The following DENND6A variants were observed in gnomAD, a reference collection of about 807,000 sequenced individuals.
The protein encoded by DENND6A is DENN domain containing 6A.
Under a neutral mutation model 95.5 loss-of-function variants are expected in DENND6A, and 43 were observed. That is an observed-to-expected ratio of 0.45 (90% CI 0.35 to 0.58). The LOEUF (loss-of-function observed/expected upper bound fraction) is 0.58, where lower values mean the gene tolerates loss of function less well. Ranked by LOEUF, DENND6A falls within the 20% of genes least tolerant of loss-of-function variation. The pLI, the probability that DENND6A is intolerant of heterozygous loss-of-function variation, is 0.00. For synonymous variants in DENND6A, 257 were observed against 260.4 expected (o/e 0.99, Z 0.13); for missense variants, 574 against 736.0 (o/e 0.78, Z 2.55).
At chr3:57,683,224 T>C (rs1264482639) in intron 1 of DENND6A, among the ~76,000 whole-genome samples, 1 of 152,174 alleles carries the variant, frequency 6.6e-6, no homozygotes, top group Non-Finnish European at 1.5e-5. Context: ...AAATGAGTAA[T>C]ACAGATAGAA....
At position 57,657,675 on chromosome 3, in the gene DENND6A, T is replaced by C. The variant is rs756603293; in HGVS notation, c.818+5A>G. Reference sequence around the variant, plus strand: ...AGTCAGTTAATAAAATTTTTTATTCTTTACCTGAAAATATCCACCTCATGA... The same window carrying C: ...AGTCAGTTAATAAAATTTTTTATTCCTTACCTGAAAATATCCACCTCATGA... On this transcript the variant is annotated splice_donor_5th_base_variant and intron_variant, in intron 9 of 19. Coordinates refer to ENST00000311128, the MANE Select transcript of DENND6A (RefSeq NM_152678.3). The C allele has an allele frequency of 6.4e-7, 1 of 1,555,226 alleles. No homozygotes were observed. The highest frequency in any genetic ancestry group is 1.4e-5 in the African/African-American group (1 of 73,302).
chr3:57,639,347 G>C (rs1197939435), intron 12 of DENND6A, among the ~76,000 whole-genome samples: 1 of 152,160 alleles, frequency 6.6e-6, no homozygotes, highest in Non-Finnish European at 1.5e-5. Context: ...TTGGCAAACA[G>C]TTTGGTGATT....
rs141033798 is a variant in DENND6A, at chr3:57,674,251, T to C, written c.238-1813A>G. On this transcript the variant is annotated intron_variant, in intron 1 of 19. Transcript: ENST00000311128. ...AGCTGGGCGTGGTGGCGTGTGCCTGTAGTCCCAGCTGCTGGGGAAGCTGAG... is the reference window on the plus strand; with the variant it reads ...AGCTGGGCGTGGTGGCGTGTGCCTGCAGTCCCAGCTGCTGGGGAAGCTGAG... Among the ~76,000 whole-genome samples, 156 of 152,102 alleles carry C rather than the reference T, an allele frequency of 1.0e-3. 1 individual carries two copies. Among genetic ancestry groups the C allele is most frequent in the African/African-American group, 3.6e-3 (149 of 41,506 alleles).
chr3:57,688,500 A>C (rs76379030), intron 1 of DENND6A, among the ~76,000 whole-genome samples: 1 of 152,032 alleles, frequency 6.6e-6, no homozygotes, highest in Non-Finnish European at 1.5e-5. Flanking sequence ...CACCTGTCCC[A>C]TGCTGAGCCA....
At chr3:57,650,524 C>T (rs1347803443) in intron 9 of DENND6A, among the ~76,000 whole-genome samples, 3 of 152,162 alleles carry the variant, frequency 2.0e-5, no homozygotes, top group Non-Finnish European at 2.9e-5. Flanking sequence ...TCAATAAGCA[C>T]ACCAAGTGCC....
chr3:57,650,305 T>TA (rs963819918), intron 9 of DENND6A, among the ~76,000 whole-genome samples: 95 of 139,106 alleles, frequency 6.8e-4, no homozygotes, highest in Middle Eastern at 3.7e-3. Flanking sequence ...ACAAAAAACC[T>TA]AAAAAAAAAA....
chr3:57,654,554 C>A, intron 9 of DENND6A: 1 of 878,170 alleles, frequency 1.1e-6, no homozygotes, highest in Non-Finnish European at 1.4e-6. Flanking sequence ...GTACTAGGAA[C>A]AAATAGCAAA....
In DENND6A at chr3:57,663,628, A is replaced by T; in HGVS notation, c.513+8T>A. 6.3e-7 allele frequency: 1 copy of T among 1,580,710 alleles called. No individual in the cohort carries two copies. On this transcript the variant is annotated splice_region_variant and intron_variant, in intron 5 of 19. Coordinates refer to ENST00000311128, the MANE Select transcript of DENND6A (RefSeq NM_152678.3). ...AATACTTTTTTTATTAGTGTGTATG[A>T]CAATTACCTTCTGAAAGTAGCCTCT...
intron 1 of DENND6A, among the ~76,000 whole-genome samples, chr3:57,673,865 G>GT (rs2071662148): frequency 6.6e-6 from 1 of 152,022 alleles, no homozygotes; most frequent in Non-Finnish European, 1.5e-5. Context: ...CCCCTCCCGG[G>GT]TTCAAGCAAA....
intron 8 of DENND6A, among the ~76,000 whole-genome samples, chr3:57,658,895 T>C (rs2071375539): frequency 6.6e-6 from 1 of 152,296 alleles, no homozygotes; most frequent in Non-Finnish European, 1.5e-5. Context: ...AATTAAAATA[T>C]AAATTCTGAG....
chr3:57,691,476 A>G (rs1048886657), intron 1 of DENND6A, among the ~76,000 whole-genome samples: 1 of 152,170 alleles, frequency 6.6e-6, no homozygotes, highest in African/African-American at 2.4e-5. Flanking sequence ...TCCTATTTGT[A>G]TGCTCCACAA....
At chr3:57,683,926 G>A (rs990846481) in intron 1 of DENND6A, among the ~76,000 whole-genome samples, 33 of 152,148 alleles carry the variant, frequency 2.2e-4, no homozygotes, top group African/African-American at 7.2e-4. Flanking sequence ...AGGCCGCAGC[G>A]GGTGGATCAC....
chr3:57,679,888 A>G (rs2077146361), intron 1 of DENND6A, among the ~76,000 whole-genome samples: 1 of 152,184 alleles, frequency 6.6e-6, no homozygotes, highest in African/African-American at 2.4e-5. Context: ...TGCAACAGAC[A>G]GCCTAACAGC....
chr3:57,677,008 G>C (rs550856757), intron 1 of DENND6A, among the ~76,000 whole-genome samples: 3 of 152,158 alleles, frequency 2.0e-5, no homozygotes, highest in African/African-American at 7.2e-5. Flanking sequence ...ATTTTTAGTA[G>C]AGACAGGGTT....
At chr3:57,633,607 G>A (rs1029149933) in intron 14 of DENND6A, among the ~76,000 whole-genome samples, 13 of 152,120 alleles carry the variant, frequency 8.5e-5, no homozygotes, top group East Asian at 1.9e-4. Context: ...GTGAGTTCAC[G>A]GCTGGGCACC....
At chr3:57,631,957 C>T (rs1483076727) in intron 15 of DENND6A, among the ~76,000 whole-genome samples, 1 of 147,224 alleles carries the variant, frequency 6.8e-6, no homozygotes, top group Non-Finnish European at 1.5e-5. Context: ...CTCCTGACCT[C>T]GTGATCCGCC....
Position 57,675,911 on chromosome 3 carries a change from G to C in DENND6A, c.238-3473C>G, listed in dbSNP as rs138454463. Among the ~76,000 whole-genome samples the C allele has an allele frequency of 5.0e-3, 754 of 152,186 alleles. 5 individuals carry two copies. Among genetic ancestry groups the C allele is most frequent in the African/African-American group, 0.017 (716 of 41,506 alleles). On this transcript the variant is annotated intron_variant, in intron 1 of 19. Transcript: ENST00000311128. ...TCTCTCATGCCACCAATTATCAAAG[G>C]CCAGTGATTTTCAAACATTATACCG...
At chr3:57,644,544 G>A (rs1247873676) in intron 11 of DENND6A, among the ~76,000 whole-genome samples, 1 of 150,778 alleles carries the variant, frequency 6.6e-6, no homozygotes, top group Non-Finnish European at 1.5e-5. Context: ...CTGGACTTAA[G>A]TGATCTGCCC....
At chr3:57,663,129 C>T (rs142145506) in intron 5 of DENND6A, among the ~76,000 whole-genome samples, 3,320 of 122,574 alleles carry the variant, frequency 0.027, 134 homozygotes, top group African/African-American at 0.1. Context: ...CCAGCCTGGG[C>T]GACAAGAGCA....
Sources: allele counts gnomAD v4.1 joint callset (sites outside exome capture counted in the v4.1 genomes callset), GRCh38; gene constraint gnomAD v4.1.1; transcripts MANE v1.5; gene names NCBI Gene and HGNC (gene_info 2026-07-23, HGNC 2026-07-21).